FER: variants seen among roughly 807,000 people sequenced by gnomAD.
The protein encoded by FER is tyrosine-protein kinase Fer.
Under a neutral mutation model 111.0 loss-of-function variants are expected in FER, and 63 were observed. The observed-to-expected ratio is 0.57, with a 90% CI of 0.46 to 0.70. The LOEUF is 0.70. Among genes scored for constraint, FER ranks in the 30% least tolerant of loss-of-function variants. FER has a pLI of 0.00. For synonymous variants in FER, 327 were observed against 313.9 expected, an observed-to-expected ratio of 1.04 and a Z score of -0.44; for missense variants, 914 against 954.0, an observed-to-expected ratio of 0.96 and a Z score of 0.55.
intron 17 of FER, among the ~76,000 whole-genome samples, chr5:109,154,403 A>G (rs1755151212): frequency 6.6e-6 from 1 of 151,950 alleles, no homozygotes; most frequent in Admixed American, 6.6e-5. Context: ...CTGTGTTCCA[A>G]TTTATTAGGA....
intron 4 of FER, 37 bp downstream of exon 4, chr5:108,832,980 G>T (rs1241042577): frequency 1.3e-6 from 2 of 1,497,194 alleles, no homozygotes; most frequent in African/African-American, 1.4e-5. Context: ...TCTTGAAATT[G>T]TTTTCCAAAT....
In FER at chr5:108,923,006, T is replaced by A. The variant is rs73780771; in HGVS notation, c.1237-23124T>A. Among the ~76,000 whole-genome samples the A allele has an allele frequency of 3.7e-3, 571 of 152,284 alleles. 4 individuals carry two copies. The highest frequency in any genetic ancestry group is 0.013 in the African/African-American group (541 of 41,558). On this transcript the variant is annotated intron_variant, in intron 10 of 19. Transcript: ENST00000281092. ...TGTGGCATCAGCTATTTTTTGGCTA[T>A]ATAACTTTGGGCAAGTTAAACTTTC...
chr5:109,179,356 T>A (rs1758037390), intron 17 of FER, among the ~76,000 whole-genome samples: 1 of 152,086 alleles, frequency 6.6e-6, no homozygotes, highest in Non-Finnish European at 1.5e-5. Flanking sequence ...TGTATGCCCT[T>A]TGTCAGGTTA....
intron 16 of FER, among the ~76,000 whole-genome samples, chr5:109,064,105 A>G (rs1581868092): frequency 6.6e-6 from 1 of 152,172 alleles, no homozygotes; most frequent in Non-Finnish European, 1.5e-5. Flanking sequence ...TTGCTTTAGT[A>G]TTTCACTTGC....
At chr5:109,080,309 T>C (rs1447797343) in intron 16 of FER, among the ~76,000 whole-genome samples, 1 of 152,254 alleles carries the variant, frequency 6.6e-6, no homozygotes, top group Non-Finnish European at 1.5e-5. Flanking sequence ...GCAAAGTGGC[T>C]TACTAGTCTG....
intron 10 of FER, among the ~76,000 whole-genome samples, chr5:108,902,522 A>G (rs890595009): frequency 1.3e-5 from 2 of 152,202 alleles, no homozygotes; most frequent in Non-Finnish European, 2.9e-5. Flanking sequence ...CTAAGCCTTT[A>G]ATATTAAATG....
intron 1 of FER, among the ~76,000 whole-genome samples, chr5:108,752,611 C>T (rs1340797968): frequency 6.6e-6 from 1 of 151,922 alleles, no homozygotes; most frequent in African/African-American, 2.4e-5. Flanking sequence ...TTTTAGTTTA[C>T]CATATAAAAC....
chr5:108,765,796 G>A (rs145125263), intron 1 of FER, among the ~76,000 whole-genome samples: 42 of 152,208 alleles, frequency 2.8e-4, no homozygotes, highest in African/African-American at 9.9e-4. Context: ...TTTGTCTTTG[G>A]AGTGGAATTG....
At chr5:109,060,541 G>T (rs1045743128) in intron 16 of FER, among the ~76,000 whole-genome samples, 1 of 151,950 alleles carries the variant, frequency 6.6e-6, no homozygotes, top group African/African-American at 2.4e-5. Flanking sequence ...AAAATTAGCT[G>T]GGCGTGGTGG....
In FER at chr5:108,897,562, T is replaced by C. The variant is rs1415566750; in HGVS notation, c.1047-97T>C. The C allele has an allele frequency of 2.8e-5, 26 of 914,748 alleles. No homozygotes were observed. The Admixed American group carries it at 5.4e-4, about 19-fold the overall frequency. The allele number at this position is 914,748 out of a possible 1,614,324, so 56.7% of individuals were successfully genotyped here. ...TTTTTATGATTCTAAAGGGCTCTTA[T>C]AAAAATGAAATCAAAGAAAAGCATA... is the stretch of plus-strand genomic sequence containing the variant. On this transcript the variant is annotated intron_variant, in intron 9 of 19. Transcript: ENST00000281092.
intron 13 of FER, among the ~76,000 whole-genome samples, chr5:109,025,052 G>A (rs1171715278): frequency 3.3e-5 from 5 of 152,020 alleles, no homozygotes; most frequent in South Asian, 2.1e-4. Context: ...GTCAGGTAGC[G>A]TGATGCCTCC....
chr5:109,067,973 G>C (rs761683616), intron 16 of FER, among the ~76,000 whole-genome samples: 4 of 152,110 alleles, frequency 2.6e-5, no homozygotes, highest in Admixed American at 6.5e-5. Flanking sequence ...CGCACATCTA[G>C]CCGTAATCAT....
chr5:109,103,444 A>G (rs1393061042), intron 17 of FER, among the ~76,000 whole-genome samples: 8 of 152,144 alleles, frequency 5.3e-5, no homozygotes. Context: ...GAAAACAATT[A>G]TGACAACTAT....
intron 17 of FER, among the ~76,000 whole-genome samples, chr5:109,102,845 A>T (rs370861808): frequency 1.3e-5 from 2 of 152,008 alleles, no homozygotes; most frequent in East Asian, 3.9e-4. Context: ...AAAATAAATT[A>T]TTCTTTGTGT....
chr5:108,945,477 A>C, intron 10 of FER, among the ~76,000 whole-genome samples: 1 of 152,088 alleles, frequency 6.6e-6, no homozygotes, highest in East Asian at 1.9e-4. Context: ...ATATTCAGAA[A>C]TACACATTGT....
chr5:108,794,807 TA>T (rs1755828600), intron 2 of FER, among the ~76,000 whole-genome samples: 3 of 152,206 alleles, frequency 2.0e-5, no homozygotes, highest in Admixed American at 2.0e-4. Flanking sequence ...TTGTTGCTTT[TA>T]GGATCTTTTC....
At chr5:109,022,389 G>A (rs1768048942) in intron 13 of FER, among the ~76,000 whole-genome samples, 1 of 152,116 alleles carries the variant, frequency 6.6e-6, no homozygotes, top group South Asian at 2.1e-4. Flanking sequence ...CCAGGAATGG[G>A]AAGAGAGACA....
At chr5:109,122,038 G>A (rs547059197) in intron 17 of FER, among the ~76,000 whole-genome samples, 39 of 147,600 alleles carry the variant, frequency 2.6e-4, no homozygotes, top group Admixed American at 5.3e-4. Context: ...AACAACTTTT[G>A]TTTTGTTAGC....
At chr5:109,008,663 TC>T (rs1765808630) in intron 13 of FER, among the ~76,000 whole-genome samples, 1 of 152,172 alleles carries the variant, frequency 6.6e-6, no homozygotes, top group Non-Finnish European at 1.5e-5. Flanking sequence ...GTCTTTTTCC[TC>T]AGCCACTCCA....
Sources: gnomAD v4.1 joint callset for allele counts (sites outside exome capture counted in the v4.1 genomes callset) on GRCh38, gnomAD v4.1.1 for gene constraint, MANE v1.5 for transcripts, NCBI Gene and HGNC (gene_info 2026-07-23, HGNC 2026-07-21) for gene names.